Variants in CHURC1 observed in about 807,000 individuals in gnomAD.
CHURC1 encodes the protein protein Churchill.
In CHURC1, 12 loss-of-function variants were observed where a neutral mutation model predicts 15.4. That is an observed-to-expected ratio of 0.78 (90% CI 0.50 to 1.27). The LOEUF is 1.27. Ranked by LOEUF, CHURC1 falls within the 50% of genes most tolerant of loss-of-function variation. The pLI, the probability that CHURC1 is intolerant of heterozygous loss-of-function variation, is 0.00. For missense variants in CHURC1, 132 were observed against 137.8 expected, an observed-to-expected ratio of 0.96 and a Z score of 0.21; for synonymous variants, 42 against 47.5, an observed-to-expected ratio of 0.88 and a Z score of 0.48.
chr14:64,922,522 G>A (rs1884376919), intron 1 of CHURC1, among the ~76,000 whole-genome samples: 1 of 147,616 alleles, frequency 6.8e-6, no homozygotes, highest in Non-Finnish European at 1.5e-5. Flanking sequence ...AGCTTGCAGT[G>A]AGCCGAGAGT....
At position 64,932,253 on chromosome 14, in the gene CHURC1, T is replaced by A; in HGVS notation, c.*23T>A. The A allele has an allele frequency of 1.2e-6, 2 of 1,612,744 alleles. No individual in the cohort carries two copies. The highest frequency in any genetic ancestry group is 1.7e-6 in the Non-Finnish European group (2 of 1,179,216). On this transcript the variant is annotated 3_prime_UTR_variant, in exon 4 of 4. Transcript: ENST00000549115. ...TAAGGATCCTTCTACAGATCTGTTA[T>A]AACTATATTGTGTTGGTTTACAATA...
chr14:64,924,142 T>G lies in CHURC1; in HGVS notation c.175+16T>G. Reference sequence around the variant, plus strand: ...ACCTATGATCGTAAGTAGACTTTATTTTTTAACCTGAGTGTGTTAGCAGGT... The same window carrying G: ...ACCTATGATCGTAAGTAGACTTTATGTTTTAACCTGAGTGTGTTAGCAGGT... On this transcript the variant is annotated intron_variant, in intron 2 of 3. Coordinates refer to ENST00000549115, the MANE Select transcript of CHURC1 (RefSeq NM_001386928.1). The G allele has an allele frequency of 6.3e-7, 1 of 1,593,514 alleles. No individual in the cohort carries two copies. Among genetic ancestry groups the G allele is most frequent in the Non-Finnish European group, 8.6e-7 (1 of 1,168,778 alleles).
intron 3 of CHURC1, among the ~76,000 whole-genome samples, chr14:64,927,738 C>T (rs1206189783): frequency 7.9e-6 from 1 of 126,652 alleles, no homozygotes; most frequent in Non-Finnish European, 1.7e-5. Flanking sequence ...GCCGTCAATT[C>T]ATACTCCATA....
At chr14:64,927,232 A>G (rs902871493) in intron 3 of CHURC1, among the ~76,000 whole-genome samples, 2 of 152,224 alleles carry the variant, frequency 1.3e-5, no homozygotes, top group Non-Finnish European at 2.9e-5. Flanking sequence ...TTAATCTAAA[A>G]TAACATCTTG....
intron 1 of CHURC1, among the ~76,000 whole-genome samples, chr14:64,918,280 T>G (rs1884029328): frequency 6.6e-6 from 1 of 152,022 alleles, no homozygotes; most frequent in Non-Finnish European, 1.5e-5. Context: ...AAATAATTAG[T>G]GGGTGGATGT....
At chr14:64,919,037 T>C (rs1296842439) in intron 1 of CHURC1, among the ~76,000 whole-genome samples, 3 of 152,206 alleles carry the variant, frequency 2.0e-5, no homozygotes, top group Non-Finnish European at 4.4e-5. Context: ...GAATTTGAAT[T>C]CAAACATGAG....
intron 3 of CHURC1, among the ~76,000 whole-genome samples, chr14:64,927,618 A>G (rs1431819502): frequency 6.6e-6 from 1 of 151,908 alleles, no homozygotes; most frequent in Non-Finnish European, 1.5e-5. Flanking sequence ...GAAGAAGGTA[A>G]AGGAAGGTGG....
In CHURC1 at chr14:64,925,499, C is replaced by T. The variant is rs563031995; in HGVS notation, c.176-511C>T. 3.3e-5 allele frequency among the ~76,000 whole-genome samples: 5 copies of T among 151,882 alleles called. No individual in the cohort carries two copies. The South Asian group carries it at 1.0e-3, about 32-fold the overall frequency. On this transcript the variant is annotated intron_variant, in intron 2 of 3. Coordinates refer to ENST00000549115, the MANE Select transcript of CHURC1 (RefSeq NM_001386928.1). Reference sequence around the variant, plus strand: ...ACCAGCCTGCTCAACATAGTGAGACCTCACCTCTACAAAAATTCAAAAAAA... The same window carrying T: ...ACCAGCCTGCTCAACATAGTGAGACTTCACCTCTACAAAAATTCAAAAAAA...
chr14:64,925,985 C>G (rs201197225), intron 2 of CHURC1, 25 bp from the exon 3 acceptor site: 1 of 1,537,716 alleles, frequency 6.5e-7, no homozygotes, highest in South Asian at 1.2e-5. Flanking sequence ...GACTTAATTA[C>G]GTAAGTCTCT....
chr14:64,925,887 C>T, intron 2 of CHURC1, 123 bp from the exon 3 acceptor site: 1 of 612,056 alleles, frequency 1.6e-6, no homozygotes, highest in East Asian at 3.0e-5. Context: ...TGGGTTTCCT[C>T]CTATGTTAAA....
chr14:64,930,713 T>C (rs1594905363), intron 3 of CHURC1: 1 of 399,378 alleles, frequency 2.5e-6, no homozygotes, highest in East Asian at 7.3e-5. Flanking sequence ...AATGGCTAGA[T>C]TGGTTGAAAA....
intron 1 of CHURC1, among the ~76,000 whole-genome samples, chr14:64,918,960 A>G (rs1485335375): frequency 6.6e-6 from 1 of 152,260 alleles, no homozygotes; most frequent in Non-Finnish European, 1.5e-5. Flanking sequence ...ATTTTTACAG[A>G]CTAGAAATAT....
chr14:64,929,925 C>T (rs10147758), intron 3 of CHURC1, among the ~76,000 whole-genome samples: 39,564 of 150,148 alleles, frequency 0.26, 5,944 homozygotes, highest in African/African-American at 0.4. Context: ...AAAAAAAAAA[C>T]CCTCCTAGCA....
At chr14:64,924,310 T>C (rs1884531270) in intron 2 of CHURC1, 184 bp downstream of exon 2, 1 of 649,872 alleles carries the variant, frequency 1.5e-6, no homozygotes, top group Non-Finnish European at 2.2e-6. Flanking sequence ...ATAGTCTATG[T>C]AAATGACTTT....
intron 2 of CHURC1, among the ~76,000 whole-genome samples, chr14:64,925,450 A>G (rs1213360125): frequency 6.6e-6 from 1 of 152,110 alleles, no homozygotes; most frequent in Non-Finnish European, 1.5e-5. Flanking sequence ...AGGAGGGTGG[A>G]TCACTTGAGC....
chr14:64,927,004 A>G (rs1884756865), intron 3 of CHURC1, among the ~76,000 whole-genome samples: 1 of 152,162 alleles, frequency 6.6e-6, no homozygotes, highest in Non-Finnish European at 1.5e-5. Context: ...TTTTGTGTGA[A>G]CTACATATTT....
chr14:64,926,662 G>A (rs1313917824), intron 3 of CHURC1, among the ~76,000 whole-genome samples: 3 of 152,170 alleles, frequency 2.0e-5, no homozygotes, highest in African/African-American at 7.2e-5. Context: ...AAGTTGACAT[G>A]TAGAGTTGAA....
chr14:64,925,649 T>G (rs4243629), intron 2 of CHURC1, among the ~76,000 whole-genome samples: 67,547 of 147,316 alleles, frequency 0.46, 19,388 homozygotes, highest in African/African-American at 0.81. Flanking sequence ...GTGAGGCATG[T>G]TTGTGTCACT....
intron 1 of CHURC1, among the ~76,000 whole-genome samples, chr14:64,917,462 C>G (rs1197449548): frequency 6.6e-6 from 1 of 151,622 alleles, no homozygotes; most frequent in Non-Finnish European, 1.5e-5. Context: ...ACTTGGGAGG[C>G]TGAGGCGGTA....
Sources: gnomAD v4.1 joint callset for allele counts (sites outside exome capture counted in the v4.1 genomes callset) on GRCh38, gnomAD v4.1.1 for gene constraint, MANE v1.5 for transcripts, NCBI Gene and HGNC (gene_info 2026-07-23, HGNC 2026-07-21) for gene names.